ZIM2: variants seen among roughly 807,000 people sequenced by gnomAD.
ZIM2 encodes the protein zinc finger protein 656.
Under a neutral mutation model 38.6 loss-of-function variants are expected in ZIM2, and 14 were observed. That is an observed-to-expected ratio of 0.36 (90% confidence interval 0.24 to 0.57). The LOEUF (loss-of-function observed/expected upper bound fraction) is 0.57, where lower values mean the gene tolerates loss of function less well. Ranked by LOEUF, ZIM2 falls within the 20% of genes least tolerant of loss-of-function variation. The probability of loss-of-function intolerance (pLI) is 0.81; values close to 1 mark genes in which losing one functional copy is unlikely to be tolerated. For missense variants in ZIM2, 680 were observed against 695.1 expected, an observed-to-expected ratio of 0.98 and a Z score of 0.24; for synonymous variants, 247 against 245.8, an observed-to-expected ratio of 1.00 and a Z score of -0.04.
chr19:56,822,490 C>A, intron 6 of ZIM2: 1 of 355,314 alleles, frequency 2.8e-6, no homozygotes, highest in Non-Finnish European at 4.7e-6. Flanking sequence ...CATACAGAAA[C>A]TTCCAGTTTT....
At chr19:56,777,105 G>A (rs1295811338) in intron 12 of ZIM2, among the ~76,000 whole-genome samples, 5 of 152,208 alleles carry the variant, frequency 3.3e-5, no homozygotes, top group Admixed American at 6.5e-5. Flanking sequence ...GTATAAGACT[G>A]TGGTTTGGAA....
intron 9 of ZIM2, chr19:56,816,874 T>C (rs763791862): frequency 9.9e-6 from 16 of 1,614,192 alleles, no homozygotes; most frequent in Non-Finnish European, 1.2e-5. Context: ...AATCTTCCGA[T>C]GTTCAGCCAA....
Position 56,836,285 on chromosome 19 carries a change from C to T in ZIM2, c.-313-181G>A, listed in dbSNP as rs1208382462. Among the ~76,000 whole-genome samples the T allele has an allele frequency of 2.0e-5, 3 of 152,252 alleles. No individual in the cohort carries two copies. In the South Asian group the frequency reaches 6.2e-4, roughly 32 times the overall value. ...CGGGTATAGCTCCCTTAGACCACCTCACACCCTGGGATGTACTCATAGACT... is the reference window on the plus strand; with the variant it reads ...CGGGTATAGCTCCCTTAGACCACCTTACACCCTGGGATGTACTCATAGACT... On this transcript the variant is annotated intron_variant, in intron 1 of 12. Coordinates refer to ENST00000629319, the MANE Select transcript of ZIM2 (RefSeq NM_001387356.1).
At chr19:56,790,218 C>T (rs1033883242) in intron 9 of ZIM2, 4 of 343,934 alleles carry the variant, frequency 1.2e-5, no homozygotes, top group Admixed American at 4.7e-5. Flanking sequence ...TCAGTCATTT[C>T]GGGCCTCACT....
At chr19:56,813,758 TCTC>T (rs2059706563) in intron 9 of ZIM2, 2 of 1,614,094 alleles carry the variant, frequency 1.2e-6, no homozygotes, top group Non-Finnish European at 1.7e-6. Flanking sequence ...TTGAAGTACT[TCTC>T]ATCAGCTTGA....
At chr19:56,810,141 ATT>A in intron 9 of ZIM2, 1 of 973,588 alleles carries the variant, frequency 1.0e-6, no homozygotes, top group Non-Finnish European at 1.2e-6. Flanking sequence ...CCACAACCAT[ATT>A]AACAAACCAA....
intron 9 of ZIM2, chr19:56,791,254 T>C (rs2046916187): frequency 6.6e-6 from 1 of 152,226 alleles, no homozygotes; most frequent in Non-Finnish European, 1.5e-5. Flanking sequence ...TGTGGAACCA[T>C]GGTCAAGTTA....
At chr19:56,839,316 T>G (rs2062663013) in intron 1 of ZIM2, among the ~76,000 whole-genome samples, 3 of 129,602 alleles carry the variant, frequency 2.3e-5, no homozygotes. Context: ...TATCCAATGC[T>G]ACACAGTCAC....
At chr19:56,811,436 G>A in intron 9 of ZIM2, 1 of 917,028 alleles carries the variant, frequency 1.1e-6, no homozygotes, top group Non-Finnish European at 1.3e-6. Context: ...TTTCCACGTT[G>A]CTACATAACT....
chr19:56,838,860 T>G (rs2062559365), intron 1 of ZIM2, among the ~76,000 whole-genome samples: 1 of 152,084 alleles, frequency 6.6e-6, no homozygotes, highest in Non-Finnish European at 1.5e-5. Context: ...CCCCTCCCTG[T>G]GGACAACCCC....
chr19:56,838,136 G>A (rs733558), intron 1 of ZIM2, among the ~76,000 whole-genome samples: 7,599 of 152,168 alleles, frequency 0.05, 615 homozygotes, highest in African/African-American at 0.17. Flanking sequence ...TGCAGACCCC[G>A]TCAGTCACTC....
At chr19:56,800,791 A>C (rs1482403470) in intron 9 of ZIM2, among the ~76,000 whole-genome samples, 1 of 151,660 alleles carries the variant, frequency 6.6e-6, no homozygotes. Context: ...GGTCTGTGTA[A>C]GTTCATGATC....
chr19:56,791,238 AT>A (rs2046914997), intron 9 of ZIM2: 1 of 152,180 alleles, frequency 6.6e-6, no homozygotes, highest in African/African-American at 2.4e-5. Context: ...AATTATTAAT[AT>A]AAGTTGTGGA....
At position 56,824,370 on chromosome 19, in the gene ZIM2, T is replaced by C. The variant is rs1488702244; in HGVS notation, c.-93A>G. 1.9e-6 allele frequency: 3 copies of C among 1,614,062 alleles called. No individual in the cohort carries two copies. Among genetic ancestry groups the C allele is most frequent in the African/African-American group, 2.7e-5 (2 of 74,936 alleles). On this transcript the variant is annotated 5_prime_UTR_variant, in exon 4 of 13. Transcript: ENST00000629319. Reference sequence around the variant, plus strand: ...GGCTTGAGCTTTTCAGGGATGATGGTCAGGTACTGCTCAAGGACCAAGAGC... The same window carrying C: ...GGCTTGAGCTTTTCAGGGATGATGGCCAGGTACTGCTCAAGGACCAAGAGC...
intron 5 of ZIM2, 136 bp downstream of exon 5, chr19:56,823,454 C>G: frequency 1.2e-6 from 1 of 865,518 alleles, no homozygotes; most frequent in Admixed American, 2.4e-5. Context: ...AATTTACCCT[C>G]TCCTCAGATC....
chr19:56,828,507 A>G (rs1003777800), intron 2 of ZIM2, among the ~76,000 whole-genome samples: 5 of 152,192 alleles, frequency 3.3e-5, no homozygotes, highest in Non-Finnish European at 5.9e-5. Flanking sequence ...GAGAACAGGG[A>G]CAGTCAAACA....
At chr19:56,815,715 AG>A (rs1315863381) in intron 9 of ZIM2, 1 of 1,614,200 alleles carries the variant, frequency 6.2e-7, no homozygotes, top group Non-Finnish European at 8.5e-7. Flanking sequence ...ATCCCTCTCC[AG>A]GAACACTTTT....
chr19:56,814,966 C>G lies in ZIM2; in HGVS notation c.490+2780G>C. On this transcript the variant is annotated intron_variant, in intron 9 of 12. Transcript: ENST00000629319. The surrounding 1 kb of genome is among the most constrained non-coding windows in gnomAD (Gnocchi z 5.8). ...CTTTGGACATTCATACAGCTGCTCT[C>G]CAGTGTAATCTCTCTGATACTCGCT... 2.5e-6 allele frequency: 4 copies of G among 1,614,104 alleles called. No homozygotes were observed. The highest frequency in any genetic ancestry group is 3.4e-6 in the Non-Finnish European group (4 of 1,179,986).
chr19:56,779,599 A>G, intron 11 of ZIM2, 127 bp from the exon 12 acceptor site: 1 of 862,146 alleles, frequency 1.2e-6, no homozygotes, highest in African/African-American at 1.7e-5. Context: ...TCCAGCCTAC[A>G]GAGATTTTAC....
Sources: allele counts gnomAD v4.1 joint callset (sites outside exome capture counted in the v4.1 genomes callset), GRCh38; gene constraint gnomAD v4.1.1; non-coding constraint Gnocchi (gnomAD v3.1); transcripts MANE v1.5; gene names NCBI Gene and HGNC (gene_info 2026-07-23, HGNC 2026-07-21).